The following RMDN2 variants were observed in gnomAD, a reference collection of about 807,000 sequenced individuals.
RMDN2 encodes the protein regulator of microtubule dynamics 2, also known as regulator of microtubule dynamics protein 2.
In RMDN2, 61 loss-of-function variants were observed where a neutral mutation model predicts 52.8. The observed-to-expected ratio is 1.16, with a 90% CI of 0.94 to 1.43. RMDN2 has a LOEUF of 1.43. Ranked by LOEUF, RMDN2 falls within the 40% of genes most tolerant of loss-of-function variation. The pLI, the probability that RMDN2 is intolerant of heterozygous loss-of-function variation, is 0.00. For synonymous variants in RMDN2, 180 were observed against 153.1 expected, an observed-to-expected ratio of 1.18 and a Z score of -1.30; for missense variants, 592 against 475.3, an observed-to-expected ratio of 1.25 and a Z score of -2.28.
intron 2 of RMDN2, among the ~76,000 whole-genome samples, chr2:37,964,908 A>G (rs75821219): frequency 0.012 from 1,793 of 152,114 alleles, 32 homozygotes; most frequent in African/African-American, 0.041. Flanking sequence ...TGCTTCATAT[A>G]TTTAGGAAGG....
In RMDN2 at chr2:37,929,395, C is replaced by T. The variant is rs746920880; in HGVS notation, c.118C>T (p.Pro40Ser). 16 of 1,551,074 alleles carry T rather than the reference C, an allele frequency of 1.0e-5. No homozygotes were observed. The East Asian group carries it at 3.4e-4, about 33-fold the overall frequency. ...VRKPGIAMKL[P>S]EFLSLGNTFN... ...TAAACCAGGGATAGCAATGAAGTTA[C>T]CTGAATTTCTTTCTCTGGGTAATAC... The change falls in exon 2 of 11, where the codon CCT (proline) becomes TCT (serine). Residue 40 changes from proline to serine, a missense_variant. Coordinates refer to ENST00000354545, the MANE Select transcript of RMDN2 (RefSeq NM_001170791.3).
intron 5 of RMDN2, among the ~76,000 whole-genome samples, chr2:37,985,565 T>C (rs1256722149): frequency 6.6e-6 from 1 of 152,080 alleles, no homozygotes; most frequent in African/African-American, 2.4e-5. Context: ...ATGCAACAGA[T>C]CACTGTCAAT....
intron 2 of RMDN2, among the ~76,000 whole-genome samples, chr2:37,935,197 C>T (rs1667182039): frequency 6.6e-6 from 1 of 152,160 alleles, no homozygotes; most frequent in Non-Finnish European, 1.5e-5. Flanking sequence ...AGCATAATGT[C>T]AGGCATAGTA....
intron 2 of RMDN2, among the ~76,000 whole-genome samples, chr2:37,932,714 C>T (rs1404550467): frequency 3.5e-5 from 5 of 141,318 alleles, no homozygotes; most frequent in East Asian, 2.1e-4. Flanking sequence ...CCCTCCCGGA[C>T]GGGGCGGCTG....
chr2:38,030,418 C>T (rs1680106633), intron 10 of RMDN2: 1 of 152,024 alleles, frequency 6.6e-6, no homozygotes, highest in South Asian at 2.1e-4. Flanking sequence ...TCTGCAACAC[C>T]TCAGTATGCA....
chr2:38,030,686 C>G (rs1334314341), intron 10 of RMDN2: 1 of 152,166 alleles, frequency 6.6e-6, no homozygotes, highest in Non-Finnish European at 1.5e-5. Context: ...TTTTTACTCA[C>G]TAAGATAGTT....
intron 2 of RMDN2, chr2:37,949,990 C>G (rs563713309): frequency 4.1e-5 from 7 of 170,852 alleles, no homozygotes; most frequent in African/African-American, 1.7e-4. Flanking sequence ...GCATACTTTA[C>G]TGCCAAGGTG....
At chr2:38,048,253 A>T (rs897911947) in intron 10 of RMDN2, among the ~76,000 whole-genome samples, 6 of 152,232 alleles carry the variant, frequency 3.9e-5, no homozygotes, top group African/African-American at 1.4e-4. Context: ...GAGTGAAATG[A>T]TTGGGTCCAT....
In RMDN2 at chr2:37,960,557, C is replaced by T. The variant is rs538759702; in HGVS notation, c.453-13483C>T. On this transcript the variant is annotated intron_variant, in intron 2 of 10. Coordinates refer to ENST00000354545, the MANE Select transcript of RMDN2 (RefSeq NM_001170791.3). ...TGTCTTTGCACATGATATGGGTCTC[C>T]TGAATACAGCACACCAATGGGTCTT... Among the ~76,000 whole-genome samples, 14 of 152,196 alleles carry T rather than the reference C, an allele frequency of 9.2e-5. 1 individual carries two copies. The East Asian group carries it at 2.7e-3, about 29-fold the overall frequency.
chr2:38,020,267 T>C (rs1187645391), downstream of RMDN2, among the ~76,000 whole-genome samples: 2 of 152,120 alleles, frequency 1.3e-5, no homozygotes, highest in East Asian at 1.9e-4. Context: ...CCTGAACTTG[T>C]TTTCCTGCAA....
intron 4 of RMDN2, among the ~76,000 whole-genome samples, chr2:37,977,022 A>G (rs1401318566): frequency 6.6e-6 from 1 of 152,048 alleles, no homozygotes; most frequent in African/African-American, 2.4e-5. Flanking sequence ...GTCCCTGGGT[A>G]CTTCAGATTA....
chr2:38,050,975 C>T (rs1681560941), intron 10 of RMDN2, among the ~76,000 whole-genome samples: 1 of 152,112 alleles, frequency 6.6e-6, no homozygotes, highest in African/African-American at 2.4e-5. Flanking sequence ...ATTGGCCAGG[C>T]TGGTCTCAAA....
At chr2:37,945,297 T>G (rs760285227) in intron 2 of RMDN2, among the ~76,000 whole-genome samples, 1 of 152,156 alleles carries the variant, frequency 6.6e-6, no homozygotes, top group Non-Finnish European at 1.5e-5. Context: ...AAAACAAATG[T>G]TTTCTGAGCA....
intron 10 of RMDN2, among the ~76,000 whole-genome samples, chr2:38,047,460 C>A (rs966615947): frequency 1.3e-5 from 2 of 152,162 alleles, no homozygotes; most frequent in South Asian, 4.1e-4. Flanking sequence ...CTGATACATG[C>A]TACAAAGTAG....
chr2:38,011,453 A>G (rs1220939882), intron 10 of RMDN2, among the ~76,000 whole-genome samples: 1 of 152,150 alleles, frequency 6.6e-6, no homozygotes, highest in African/African-American at 2.4e-5. Context: ...CATCCTCTAA[A>G]TCATTAACAG....
intron 10 of RMDN2, among the ~76,000 whole-genome samples, chr2:38,035,022 A>G (rs1208616596): frequency 6.6e-6 from 1 of 152,168 alleles, no homozygotes; most frequent in African/African-American, 2.4e-5. Flanking sequence ...ACAAATTAGA[A>G]TATTTGAAAG....
chr2:37,996,625 A>G (rs1339664546), intron 7 of RMDN2, among the ~76,000 whole-genome samples: 3 of 148,778 alleles, frequency 2.0e-5, no homozygotes, highest in Non-Finnish European at 4.4e-5. Context: ...AAAAGAGGAT[A>G]TTGGCTACCA....
chr2:37,939,979 A>T (rs4670793), intron 2 of RMDN2, among the ~76,000 whole-genome samples: 2,847 of 152,194 alleles, frequency 0.019, 242 homozygotes, highest in Admixed American at 0.13. Context: ...CATAGTGTGG[A>T]TGGTCTTTAC....
At chr2:37,932,600 G>T (rs1215176581) in intron 2 of RMDN2, among the ~76,000 whole-genome samples, 1 of 151,296 alleles carries the variant, frequency 6.6e-6, no homozygotes, top group Non-Finnish European at 1.5e-5. Flanking sequence ...ACGGGGTGGT[G>T]GCCGGGCAGA....
Sources: allele counts gnomAD v4.1 joint callset (sites outside exome capture counted in the v4.1 genomes callset), GRCh38; gene constraint gnomAD v4.1.1; transcripts MANE v1.5; gene names NCBI Gene and HGNC (gene_info 2026-07-23, HGNC 2026-07-21).